The following TAFA2 variants were observed in gnomAD, a reference collection of about 807,000 sequenced individuals.
TAFA2 encodes TAFA chemokine like family member 2.
A neutral mutation model predicts 18.8 loss-of-function variants in TAFA2; 7 were observed. The ratio of observed to expected loss-of-function variants is 0.37; its 90% CI spans 0.21 to 0.70. The LOEUF (loss-of-function observed/expected upper bound fraction) is 0.70. TAFA2 is among the 30% of genes least tolerant of loss of function. The pLI is 0.53. For missense variants in TAFA2, 122 were observed against 158.1 expected, an observed-to-expected ratio of 0.77 and a Z score of 1.23; for synonymous variants, 60 against 54.2, an observed-to-expected ratio of 1.11 and a Z score of -0.47.
At chr12:61,988,051 A>G (rs1013168106) in intron 1 of TAFA2, among the ~76,000 whole-genome samples, 2 of 152,190 alleles carry the variant, frequency 1.3e-5, no homozygotes, top group Admixed American at 1.3e-4. Context: ...GATAACAGCC[A>G]GGAGGAAGGT....
rs1874882363 is a variant in TAFA2 at position 61,877,084 on chromosome 12, T to G, written c.-1-9658A>C. 6.6e-5 allele frequency among the ~76,000 whole-genome samples: 10 copies of G among 152,230 alleles called. 1 individual carries two copies. The highest frequency in any genetic ancestry group is 6.5e-4 in the Admixed American group (10 of 15,286). On this transcript the variant is annotated intron_variant, in intron 1 of 4. Coordinates refer to ENST00000416284, the MANE Select transcript of TAFA2 (RefSeq NM_178539.5). ...CAAAGTACCATACTCAGCTTTCAGC[T>G]AACAGCTTAAGCAACTGAGAACTCA...
intron 2 of TAFA2, among the ~76,000 whole-genome samples, chr12:61,822,759 T>C (rs1872371900): frequency 6.6e-6 from 1 of 152,196 alleles, no homozygotes; most frequent in Non-Finnish European, 1.5e-5. Context: ...CTTTTGTATT[T>C]TTGGTGCCAG....
intron 1 of TAFA2, among the ~76,000 whole-genome samples, chr12:61,963,440 T>C (rs1878958610): frequency 6.6e-6 from 1 of 152,088 alleles, no homozygotes; most frequent in South Asian, 2.1e-4. Flanking sequence ...ATTTCTCTAA[T>C]GGCCAGTGAT....
chr12:61,934,253 G>A (rs879432455), intron 1 of TAFA2, among the ~76,000 whole-genome samples: 4 of 152,272 alleles, frequency 2.6e-5, no homozygotes, highest in South Asian at 4.1e-4. Context: ...CCAGGGGAGT[G>A]GCCTAAGGTA....
chr12:61,939,390 C>T (rs1373428758), intron 1 of TAFA2, among the ~76,000 whole-genome samples: 1 of 151,724 alleles, frequency 6.6e-6, no homozygotes, highest in African/African-American at 2.4e-5. Flanking sequence ...TAATTTTTTC[C>T]TCTGGTATTT....
intron 1 of TAFA2, among the ~76,000 whole-genome samples, chr12:61,912,106 G>A (rs1229373064): frequency 3.3e-5 from 5 of 152,298 alleles, no homozygotes; most frequent in East Asian, 3.9e-4. Context: ...ACTCTGTAGT[G>A]TATTTATTAA....
intron 2 of TAFA2, among the ~76,000 whole-genome samples, chr12:61,854,140 CA>C (rs1247292566): frequency 6.6e-6 from 1 of 151,938 alleles, no homozygotes; most frequent in African/African-American, 2.4e-5. Context: ...GCCAAAATAG[CA>C]AAGTCAGCAC....
chr12:62,243,257 T>A (rs2062870920), intron 1 of TAFA2, among the ~76,000 whole-genome samples: 1 of 152,198 alleles, frequency 6.6e-6, no homozygotes, highest in African/African-American at 2.4e-5. Flanking sequence ...ACCTTACTGA[T>A]AAAAGAAGCA....
At chr12:61,727,924 C>G (rs1870248443) in intron 4 of TAFA2, among the ~76,000 whole-genome samples, 1 of 151,732 alleles carries the variant, frequency 6.6e-6, no homozygotes, top group South Asian at 2.1e-4. Flanking sequence ...TATTATCATT[C>G]AGTTCAAACA....
chr12:62,252,291 A>C (rs768044004), intron 1 of TAFA2: 7 of 151,982 alleles, frequency 4.6e-5, no homozygotes, highest in Non-Finnish European at 1.0e-4. Context: ...GAGCAGCCTG[A>C]CCTCCTCCCA....
intron 1 of TAFA2, among the ~76,000 whole-genome samples, chr12:62,219,453 T>A (rs1292238210): frequency 6.6e-6 from 1 of 152,192 alleles, no homozygotes; most frequent in Non-Finnish European, 1.5e-5. Flanking sequence ...AATCTACAGT[T>A]AGTCTAAATC....
At chr12:61,732,878 A>G (rs1036981021) in intron 4 of TAFA2, among the ~76,000 whole-genome samples, 9 of 152,112 alleles carry the variant, frequency 5.9e-5, no homozygotes, top group South Asian at 2.1e-4. Context: ...ATATTGAAAT[A>G]TTCCTTAGTA....
intron 1 of TAFA2, among the ~76,000 whole-genome samples, chr12:62,225,123 G>C (rs907025316): frequency 6.6e-6 from 1 of 151,962 alleles, no homozygotes. Flanking sequence ...AAAGTTGGTG[G>C]GGATGGTGGC....
chr12:62,123,369 G>A (rs1450712085), intron 1 of TAFA2, among the ~76,000 whole-genome samples: 3 of 151,882 alleles, frequency 2.0e-5, no homozygotes, highest in Non-Finnish European at 4.4e-5. Flanking sequence ...ACAATGTGTG[G>A]GCCTGTAAGG....
chr12:62,097,847 A>C (rs1869016204), intron 1 of TAFA2, among the ~76,000 whole-genome samples: 1 of 152,126 alleles, frequency 6.6e-6, no homozygotes, highest in South Asian at 2.1e-4. Context: ...AACAATCAGC[A>C]TGAGAAAAGT....
intron 1 of TAFA2, chr12:62,021,887 C>T (rs1881152746): frequency 1.3e-6 from 1 of 758,376 alleles, no homozygotes. Context: ...TTCCCAGACA[C>T]CATGACCTCA....
At chr12:62,239,007 G>A (rs1406205408) in intron 1 of TAFA2, among the ~76,000 whole-genome samples, 1 of 152,120 alleles carries the variant, frequency 6.6e-6, no homozygotes, top group Non-Finnish European at 1.5e-5. Flanking sequence ...TGAAACAGAA[G>A]AACAAAACTT....
intron 2 of TAFA2, among the ~76,000 whole-genome samples, chr12:61,784,150 T>G (rs1870626042): frequency 6.6e-6 from 1 of 151,600 alleles, no homozygotes; most frequent in Non-Finnish European, 1.5e-5. Flanking sequence ...GGATATAATC[T>G]AATTATTTTG....
intron 2 of TAFA2, among the ~76,000 whole-genome samples, chr12:61,818,954 C>T (rs926690093): frequency 1.3e-4 from 20 of 152,128 alleles, no homozygotes; most frequent in African/African-American, 3.6e-4. Context: ...GGCTGTAAGG[C>T]GATTCAAACA....
Sources: gnomAD v4.1 joint callset for allele counts (sites outside exome capture counted in the v4.1 genomes callset) on GRCh38, gnomAD v4.1.1 for gene constraint, MANE v1.5 for transcripts, NCBI Gene and HGNC (gene_info 2026-07-23, HGNC 2026-07-21) for gene names.